Variants in MACROD2 observed in about 807,000 individuals in gnomAD.
The protein encoded by MACROD2 is mono-ADP ribosylhydrolase 2.
Under a neutral mutation model 70.4 loss-of-function variants are expected in MACROD2, and 36 were observed. That is an observed-to-expected ratio of 0.51 (90% confidence interval 0.39 to 0.68). MACROD2 has a LOEUF of 0.68. Among genes scored for constraint, MACROD2 ranks in the 30% least tolerant of loss-of-function variants. MACROD2 has a pLI of 0.00. For missense variants in MACROD2, 496 were observed against 538.4 expected (o/e 0.92, Z 0.78); for synonymous variants, 172 against 178.8 (o/e 0.96, Z 0.30).
rs181204384 is a variant in MACROD2 at position 15,647,763 on chromosome 20, A to G, written c.645+147916A>G. On this transcript the variant is annotated intron_variant, in intron 8 of 17. Coordinates refer to ENST00000684519, the MANE Select transcript of MACROD2 (RefSeq NM_001351661.2). ...GAGATGGAGTCTTGCTCTGTCACCC[A>G]GGCGAGAGTGCAGTGGTGCAATCTT... Among the ~76,000 whole-genome samples the G allele has an allele frequency of 5.5e-3, 814 of 147,440 alleles. 11 individuals carry two copies. The highest frequency in any genetic ancestry group is 0.019 in the African/African-American group (760 of 40,330).
chr20:15,792,271 A>G (rs1447646246), intron 8 of MACROD2, among the ~76,000 whole-genome samples: 1 of 152,156 alleles, frequency 6.6e-6, no homozygotes, highest in Non-Finnish European at 1.5e-5. Flanking sequence ...GTTTGAGGAA[A>G]AACATGAGTG....
At chr20:15,981,668 A>G (rs1175055085) in intron 13 of MACROD2, among the ~76,000 whole-genome samples, 1 of 152,214 alleles carries the variant, frequency 6.6e-6, no homozygotes, top group African/African-American at 2.4e-5. Flanking sequence ...AGTTCATCCT[A>G]GAAAGTCTGA....
intron 5 of MACROD2, among the ~76,000 whole-genome samples, chr20:14,953,129 A>C (rs1379032598): frequency 6.6e-6 from 1 of 152,220 alleles, no homozygotes. Flanking sequence ...TGGTCATCTT[A>C]TTTTATAATG....
At chr20:15,236,488 A>T (rs908339230) in intron 6 of MACROD2, among the ~76,000 whole-genome samples, 2 of 152,196 alleles carry the variant, frequency 1.3e-5, no homozygotes, top group Non-Finnish European at 2.9e-5. Context: ...TAGTAATAAG[A>T]ATAGCAAATG....
chr20:14,692,585 T>A (rs1485212126), intron 5 of MACROD2, among the ~76,000 whole-genome samples: 2 of 152,172 alleles, frequency 1.3e-5, no homozygotes, highest in Non-Finnish European at 2.9e-5. Context: ...ATTGTTTTTA[T>A]CTCCTCTTGT....
At chr20:15,688,690 C>A (rs941959552) in intron 8 of MACROD2, among the ~76,000 whole-genome samples, 1 of 152,066 alleles carries the variant, frequency 6.6e-6, no homozygotes, top group East Asian at 1.9e-4. Flanking sequence ...ATACAATGTG[C>A]GTGAACTTTC....
At chr20:15,456,651 G>T (rs534787065) in intron 7 of MACROD2, among the ~76,000 whole-genome samples, 1 of 152,264 alleles carries the variant, frequency 6.6e-6, no homozygotes, top group Non-Finnish European at 1.5e-5. Context: ...TGCCGGGGAA[G>T]TTGTGACTTT....
At chr20:15,726,458 G>A (rs2050864038) in intron 8 of MACROD2, among the ~76,000 whole-genome samples, 1 of 152,164 alleles carries the variant, frequency 6.6e-6, no homozygotes, top group South Asian at 2.1e-4. Context: ...TAATGGAATT[G>A]CTGGGTTGAA....
intron 8 of MACROD2, among the ~76,000 whole-genome samples, chr20:15,646,432 C>T (rs917202557): frequency 6.6e-6 from 1 of 152,156 alleles, no homozygotes; most frequent in Non-Finnish European, 1.5e-5. Flanking sequence ...TATTTTAGTT[C>T]CTTTAATCCT....
chr20:14,469,400 C>T (rs557667394), intron 3 of MACROD2, among the ~76,000 whole-genome samples: 8 of 151,714 alleles, frequency 5.3e-5, no homozygotes, highest in Non-Finnish European at 1.0e-4. Flanking sequence ...CTGACGATTA[C>T]GTGTCTTGGG....
intron 3 of MACROD2, among the ~76,000 whole-genome samples, chr20:14,266,153 C>T (rs1285169169): frequency 6.6e-6 from 1 of 152,130 alleles, no homozygotes; most frequent in Non-Finnish European, 1.5e-5. Context: ...TCCAAATCCT[C>T]AGCTTTAAGA....
chr20:16,013,046 G>T lies in MACROD2; in HGVS notation c.1153+25888G>T, dbSNP rs80167326. ...AATACAAAACTTAGCTGGGCATGGTGGCGTGTGCCTGTAGTCCCAGCTACT... is the reference window on the plus strand; with the variant it reads ...AATACAAAACTTAGCTGGGCATGGTTGCGTGTGCCTGTAGTCCCAGCTACT... On this transcript the variant is annotated intron_variant, in intron 15 of 17. Coordinates refer to ENST00000684519, the MANE Select transcript of MACROD2 (RefSeq NM_001351661.2). Among the ~76,000 whole-genome samples the T allele has an allele frequency of 5.9e-3, 894 of 152,296 alleles. 11 individuals are homozygous for T. Among genetic ancestry groups the T allele is most frequent in the African/African-American group, 0.021 (868 of 41,568 alleles).
chr20:14,729,557 GCCCA>G (rs2071569439), intron 5 of MACROD2, among the ~76,000 whole-genome samples: 1 of 152,054 alleles, frequency 6.6e-6, no homozygotes, highest in South Asian at 2.1e-4. Context: ...AAAGCCCAGG[GCCCA>G]TGCAAGGTGA....
chr20:16,049,293 C>T (rs141748753), intron 17 of MACROD2, among the ~76,000 whole-genome samples: 110 of 151,640 alleles, frequency 7.3e-4, no homozygotes, highest in Middle Eastern at 6.8e-3. Flanking sequence ...GCAGATTATA[C>T]CTCAATTTTA....
chr20:16,010,625 C>T (rs2066850717), intron 15 of MACROD2, among the ~76,000 whole-genome samples: 1 of 152,192 alleles, frequency 6.6e-6, no homozygotes, highest in African/African-American at 2.4e-5. Context: ...AGGTTTCTGA[C>T]AGCCCTCATA....
At chr20:15,342,041 G>A (rs779680408) in intron 6 of MACROD2, among the ~76,000 whole-genome samples, 4 of 151,970 alleles carry the variant, frequency 2.6e-5, no homozygotes, top group Non-Finnish European at 1.5e-5. Flanking sequence ...GCAACAAAGC[G>A]AGACCCTGCC....
chr20:15,993,982 C>G (rs533417397), intron 15 of MACROD2, among the ~76,000 whole-genome samples: 1 of 152,276 alleles, frequency 6.6e-6, no homozygotes, highest in South Asian at 2.1e-4. Flanking sequence ...AACCTTCCAC[C>G]CCAGTGACAC....
chr20:15,045,513 A>G (rs1343661435), intron 5 of MACROD2, among the ~76,000 whole-genome samples: 1 of 152,162 alleles, frequency 6.6e-6, no homozygotes, highest in Admixed American at 6.5e-5. Flanking sequence ...TGTTGAAACT[A>G]TTGTGAAACT....
rs540521222 is a variant in MACROD2 at position 14,580,762 on chromosome 20, AAC to A, written c.301+87257_301+87258del. On this transcript the variant is annotated intron_variant, in intron 4 of 17. Coordinates refer to ENST00000684519, the MANE Select transcript of MACROD2 (RefSeq NM_001351661.2). Reference sequence around the variant, plus strand: ...GCTTGAAGTTAACAAGTTTGTGCCAAACACTTCAGTAGACATATGTTCTTTTT... The same window carrying A: ...GCTTGAAGTTAACAAGTTTGTGCCAAACTTCAGTAGACATATGTTCTTTTT... 4.6e-5 allele frequency among the ~76,000 whole-genome samples: 7 copies of A among 152,354 alleles called. No individual in the cohort carries two copies. In the South Asian group the frequency reaches 1.4e-3, roughly 32 times the overall value.
Sources: gnomAD v4.1 joint callset for allele counts (sites outside exome capture counted in the v4.1 genomes callset) on GRCh38, gnomAD v4.1.1 for gene constraint, MANE v1.5 for transcripts, NCBI Gene and HGNC (gene_info 2026-07-23, HGNC 2026-07-21) for gene names.